FSTL4: variants seen among roughly 807,000 people sequenced by gnomAD.
FSTL4 encodes follistatin-related protein 4.
FSTL4 carries 28 observed loss-of-function variants against 78.2 expected under a neutral mutation model. That is an observed-to-expected ratio of 0.36 (90% CI 0.27 to 0.49). The LOEUF (loss-of-function observed/expected upper bound fraction) is 0.49, where lower values mean the gene tolerates loss of function less well. FSTL4 is among the 20% of genes least tolerant of loss of function. The pLI is 0.98. For synonymous variants in FSTL4, 422 were observed against 440.5 expected (o/e 0.96, Z 0.53); for missense variants, 922 against 1,084.9 (o/e 0.85, Z 2.11).
At chr5:133,582,427 G>A (rs556076221) in intron 2 of FSTL4, among the ~76,000 whole-genome samples, 2 of 152,296 alleles carry the variant, frequency 1.3e-5, no homozygotes, top group Non-Finnish European at 2.9e-5. Flanking sequence ...CTCAGTATCT[G>A]GTAGCTGCTG....
intron 3 of FSTL4, among the ~76,000 whole-genome samples, chr5:133,432,610 T>C (rs1488328661): frequency 6.6e-6 from 1 of 152,220 alleles, no homozygotes; most frequent in African/African-American, 2.4e-5. Context: ...CAATTATTTA[T>C]TGGGCATCTG....
chr5:133,461,233 C>T (rs1757585813), intron 3 of FSTL4, among the ~76,000 whole-genome samples: 2 of 152,154 alleles, frequency 1.3e-5, no homozygotes, highest in South Asian at 4.1e-4. Flanking sequence ...AGGGACAATA[C>T]CCTAACTAGC....
chr5:133,542,803 G>A (rs142930409), intron 3 of FSTL4, among the ~76,000 whole-genome samples: 35 of 151,806 alleles, frequency 2.3e-4, no homozygotes, highest in African/African-American at 7.7e-4. Flanking sequence ...TCTGATATGT[G>A]TATTTATTCC....
chr5:133,467,257 A>AGT (rs34838954), intron 3 of FSTL4, among the ~76,000 whole-genome samples: 20,271 of 138,950 alleles, frequency 0.15, 1,413 homozygotes, highest in African/African-American at 0.19. Flanking sequence ...AGTATATGTG[A>AGT]GTGTGTGTGT....
At chr5:133,273,222 A>G (rs1752805527) in intron 6 of FSTL4, among the ~76,000 whole-genome samples, 1 of 152,276 alleles carries the variant, frequency 6.6e-6, no homozygotes. Flanking sequence ...AACAGCTGAT[A>G]GTAATTTAAT....
chr5:133,485,367 G>T (rs192927965), intron 3 of FSTL4, among the ~76,000 whole-genome samples: 309 of 152,308 alleles, frequency 2.0e-3, no homozygotes, highest in Middle Eastern at 0.01. Context: ...GCAGGTAATG[G>T]CGCAGCTTCC....
intron 14 of FSTL4, chr5:133,208,407 T>C (rs1750593449): frequency 6.6e-6 from 1 of 152,246 alleles, no homozygotes; most frequent in Non-Finnish European, 1.5e-5. Flanking sequence ...ACTTTATCAC[T>C]AGTGAAGAGA....
intron 5 of FSTL4, among the ~76,000 whole-genome samples, chr5:133,315,805 C>T (rs1753890084): frequency 6.6e-6 from 1 of 152,222 alleles, no homozygotes; most frequent in Non-Finnish European, 1.5e-5. Flanking sequence ...CTCCCTGCAA[C>T]TGGCAGTGGC....
chr5:133,773,116 C>A, the FSTL4 span, among the ~76,000 whole-genome samples: 3 of 151,944 alleles, frequency 2.0e-5, no homozygotes, highest in Non-Finnish European at 4.4e-5. Context: ...AAAATTATAA[C>A]ACAAACTTTA....
the FSTL4 span, among the ~76,000 whole-genome samples, chr5:133,789,386 G>T: frequency 2.6e-5 from 4 of 152,182 alleles, no homozygotes; most frequent in Admixed American, 2.6e-4. Context: ...AGAATGAAAA[G>T]AATTTACCAA....
the FSTL4 span, among the ~76,000 whole-genome samples, chr5:133,683,435 G>A: frequency 6.6e-6 from 1 of 152,060 alleles, no homozygotes; most frequent in African/African-American, 2.4e-5. Flanking sequence ...TTAATACACA[G>A]TAGTTAAATT....
chr5:133,753,537 T>G, the FSTL4 span, among the ~76,000 whole-genome samples: 1 of 152,214 alleles, frequency 6.6e-6, no homozygotes, highest in African/African-American at 2.4e-5. Flanking sequence ...TATGGGAAAC[T>G]GAGCTAAGCC....
intron 4 of FSTL4, among the ~76,000 whole-genome samples, chr5:133,380,274 AC>A (rs1036101599): frequency 1.8e-4 from 28 of 152,090 alleles, no homozygotes; most frequent in African/African-American, 6.5e-4. Flanking sequence ...AAAAAAATCA[AC>A]AAAATTGACA....
At chr5:133,383,385 G>C (rs1386191306) in intron 4 of FSTL4, among the ~76,000 whole-genome samples, 1 of 152,220 alleles carries the variant, frequency 6.6e-6, no homozygotes, top group Non-Finnish European at 1.5e-5. Flanking sequence ...CCCAACCAGA[G>C]AGTCTCAGTG....
At chr5:133,785,757 G>T in the FSTL4 span, among the ~76,000 whole-genome samples, 2 of 152,178 alleles carry the variant, frequency 1.3e-5, no homozygotes, top group African/African-American at 4.8e-5. Flanking sequence ...TTCAGAGATA[G>T]AAGTCATGGC....
At chr5:133,243,474 G>C (rs1338525598) in intron 7 of FSTL4, among the ~76,000 whole-genome samples, 1 of 152,248 alleles carries the variant, frequency 6.6e-6, no homozygotes, top group Non-Finnish European at 1.5e-5. Flanking sequence ...TCCACACACA[G>C]GGACCCATAT....
In FSTL4 at chr5:133,427,670, A is replaced by T. The variant is rs112928293; in HGVS notation, c.161-26684T>A. On this transcript the variant is annotated intron_variant, in intron 3 of 15. Transcript: ENST00000265342. ...TGACTCTGTTCAGTAGTTCTGAGGC[A>T]GGGTCTAGGAATGTGCCTTTTTAAC... 17 of 530,402 alleles carry T rather than the reference A, an allele frequency of 3.2e-5. No homozygotes were observed. The East Asian group carries it at 9.3e-4, about 29-fold the overall frequency. 32.9% of individuals were successfully genotyped at this position (530,402 alleles called of 1,614,324 possible).
At chr5:133,769,340 G>T in the FSTL4 span, among the ~76,000 whole-genome samples, 73 of 152,220 alleles carry the variant, frequency 4.8e-4, 1 homozygote, top group Admixed American at 1.8e-3. Context: ...AAGTGACAGT[G>T]CTTGGTCTCA....
chr5:133,326,098 C>T (rs1178457832), intron 4 of FSTL4, among the ~76,000 whole-genome samples: 1 of 152,208 alleles, frequency 6.6e-6, no homozygotes, highest in Non-Finnish European at 1.5e-5. Flanking sequence ...ACTCCCAGCT[C>T]TAATTTAGGA....
Sources: gnomAD v4.1 joint callset for allele counts (sites outside exome capture counted in the v4.1 genomes callset) on GRCh38, gnomAD v4.1.1 for gene constraint, MANE v1.5 for transcripts, NCBI Gene and HGNC (gene_info 2026-07-23, HGNC 2026-07-21) for gene names.